Variants in CLEC16A observed in about 807,000 individuals in gnomAD.
CLEC16A encodes the protein C-type lectin domain containing 16A.
Under a neutral mutation model 109.5 loss-of-function variants are expected in CLEC16A, and 51 were observed. The observed-to-expected ratio is 0.47, with a 90% CI of 0.37 to 0.59. CLEC16A has a LOEUF of 0.59. CLEC16A is among the 20% of genes least tolerant of loss of function. The pLI is 0.00. For missense variants in CLEC16A, 1,339 were observed against 1,394.0 expected, an observed-to-expected ratio of 0.96 and a Z score of 0.63; for synonymous variants, 673 against 564.2, an observed-to-expected ratio of 1.19 and a Z score of -2.73.
chr16:11,177,178 C>G (rs2068783285), intron 23 of CLEC16A, among the ~76,000 whole-genome samples: 2 of 152,154 alleles, frequency 1.3e-5, no homozygotes, highest in African/African-American at 2.4e-5. Context: ...GTCTTCTTCT[C>G]AATGTTTTTA....
chr16:11,113,737 T>C (rs1370341743), intron 19 of CLEC16A, among the ~76,000 whole-genome samples: 1 of 152,242 alleles, frequency 6.6e-6, no homozygotes, highest in African/African-American at 2.4e-5. Context: ...TTCTTGAGAC[T>C]TGGCTCTCTT....
intron 10 of CLEC16A, among the ~76,000 whole-genome samples, chr16:10,995,004 C>T (rs1202329068): frequency 2.6e-5 from 4 of 152,224 alleles, no homozygotes; most frequent in African/African-American, 7.2e-5. Flanking sequence ...CTGCCTCTGC[C>T]TCTCACTAGT....
intron 19 of CLEC16A, among the ~76,000 whole-genome samples, chr16:11,116,373 C>T (rs974273191): frequency 6.6e-6 from 1 of 151,246 alleles, no homozygotes; most frequent in African/African-American, 2.4e-5. Context: ...CCAGCCTGTG[C>T]AACAGAGCAA....
intron 19 of CLEC16A, among the ~76,000 whole-genome samples, chr16:11,071,655 T>G (rs1334792207): frequency 1.3e-5 from 2 of 148,350 alleles, no homozygotes; most frequent in Non-Finnish European, 3.0e-5. Flanking sequence ...CAGGCTGGAG[T>G]GCAGTATTGC....
chr16:10,964,119 A>G (rs2042386384), intron 3 of CLEC16A, among the ~76,000 whole-genome samples: 1 of 152,202 alleles, frequency 6.6e-6, no homozygotes, highest in Non-Finnish European at 1.5e-5. Flanking sequence ...GGGCAGAAAG[A>G]GGTAGAGATG....
Position 11,178,558 on chromosome 16 carries a change from C to A in CLEC16A, c.3030C>A (p.Val1010=), listed in dbSNP as rs1321398267. ...DTLSVESLTL[V]PPVDPHSLRS... Reference sequence around the variant, plus strand: ...TGAGCGTCGAATCGCTGACCCTTGTCCCCCCAGTTGACCCCCACAGCCTCC... The same window carrying A: ...TGAGCGTCGAATCGCTGACCCTTGTACCCCCAGTTGACCCCCACAGCCTCC... The change falls in exon 24 of 24, where the codon GTC becomes GTA. Residue 1010 remains valine (V), a synonymous_variant. Transcript: ENST00000409790. The surrounding 1 kb of genome is among the most constrained non-coding windows in gnomAD (Gnocchi z 6.5). The A allele has an allele frequency of 1.2e-6, 2 of 1,612,264 alleles. No individual in the cohort carries two copies. Among genetic ancestry groups the A allele is most frequent in the South Asian group, 1.1e-5 (1 of 91,076 alleles).
rs1359092371 is a variant in CLEC16A at position 11,123,757 on chromosome 16, G to A, written c.2284G>A (p.Gly762Ser). ...CACTGTGCAGGACATGCAGGTGACTGGCGTGGAGGACGACAGCCGTGCCCT... is the reference window on the plus strand; with the variant it reads ...CACTGTGCAGGACATGCAGGTGACTAGCGTGGAGGACGACAGCCGTGCCCT... ...AGLLQDMQVT[G>S]VEDDSRALNI... The change falls in exon 21 of 24, where the codon GGC becomes AGC. Residue 762 changes from glycine (G) to serine (S), a missense_variant. Around this residue, in one of 3 missense-constraint regions of CLEC16A, gnomAD observed 1,061 missense variants for 1,006.8 expected, o/e 1.05. Transcript: ENST00000409790. 1 of 1,614,074 alleles carries A rather than the reference G, an allele frequency of 6.2e-7. No individual in the cohort carries two copies. The highest frequency in any genetic ancestry group is 1.3e-5 in the African/African-American group (1 of 75,072).
chr16:11,141,812 T>C (rs1180022042), intron 22 of CLEC16A, among the ~76,000 whole-genome samples: 1 of 152,196 alleles, frequency 6.6e-6, no homozygotes, highest in African/African-American at 2.4e-5. Context: ...CGGCGCTGCC[T>C]CTGCACATCG....
chr16:11,065,264 T>A (rs151217852), intron 19 of CLEC16A, among the ~76,000 whole-genome samples: 28 of 152,296 alleles, frequency 1.8e-4, no homozygotes, highest in South Asian at 1.7e-3. Flanking sequence ...GGGAGAAATC[T>A]GTCCATTATC....
At chr16:11,176,377 C>G (rs1597643746) in intron 23 of CLEC16A, among the ~76,000 whole-genome samples, 1 of 152,236 alleles carries the variant, frequency 6.6e-6, no homozygotes, top group Non-Finnish European at 1.5e-5. Flanking sequence ...GGACCAAAGC[C>G]TCATGCAGTG....
intron 16 of CLEC16A, chr16:11,044,305 T>A: frequency 2.8e-6 from 1 of 361,222 alleles, no homozygotes; most frequent in Non-Finnish European, 4.9e-6. Context: ...ATATGATAAT[T>A]TGTTTCTCAG....
chr16:11,156,094 G>T (rs892891435), intron 22 of CLEC16A, among the ~76,000 whole-genome samples: 23 of 152,178 alleles, frequency 1.5e-4, no homozygotes, highest in Non-Finnish European at 3.4e-4. Context: ...GGGCATGGTG[G>T]CTCATGCCTG....
chr16:11,048,459 C>A (rs2047752610), intron 17 of CLEC16A: 1 of 152,224 alleles, frequency 6.6e-6, no homozygotes, highest in South Asian at 2.1e-4. Flanking sequence ...ATATTACCCA[C>A]CAAAGCATGT....
At chr16:11,128,320 G>A (rs1451316317) in intron 22 of CLEC16A, among the ~76,000 whole-genome samples, 2 of 152,208 alleles carry the variant, frequency 1.3e-5, no homozygotes, top group Non-Finnish European at 1.5e-5. Context: ...GCCTTCCACC[G>A]GTGGGTGAGA....
At position 10,971,008 on chromosome 16, in the gene CLEC16A, A is replaced by ATTTTTT. The variant is rs35498388; in HGVS notation, c.493-105_493-100dup. ...CTGACTTACGGTTCACATTGGCAAC[A>ATTTTTT]TTTTTTTTTTTTTTTTTGTCTTTTT... On this transcript the variant is annotated intron_variant, in intron 4 of 23. Coordinates refer to ENST00000409790, the MANE Select transcript of CLEC16A (RefSeq NM_015226.3). 8 of 506,952 alleles carry ATTTTTT rather than the reference A, an allele frequency of 1.6e-5. 1 individual carries two copies. Among genetic ancestry groups the ATTTTTT allele is most frequent in the East Asian group, 3.4e-5 (1 of 29,260 alleles). 31.4% of individuals were successfully genotyped at this position (506,952 alleles called of 1,614,324 possible). A position where few individuals can be genotyped will look rare whatever the true frequency, so the allele number is the denominator to read the frequency against.
chr16:10,956,765 G>A (rs1191542797), intron 1 of CLEC16A, among the ~76,000 whole-genome samples: 1 of 152,168 alleles, frequency 6.6e-6, no homozygotes, highest in Non-Finnish European at 1.5e-5. Flanking sequence ...TTGGGTAGAT[G>A]AAGTACAGCA....
At chr16:11,126,333 G>A (rs1252728552) in intron 22 of CLEC16A, 187 bp downstream of exon 22, 8 of 1,484,856 alleles carry the variant, frequency 5.4e-6, no homozygotes, top group African/African-American at 2.8e-5. Flanking sequence ...ATAAATTTTG[G>A]CTTTCCCTTT....
intron 3 of CLEC16A, 112 bp downstream of exon 3, chr16:10,962,700 C>A: frequency 3.5e-6 from 4 of 1,146,138 alleles, no homozygotes; most frequent in Non-Finnish European, 5.1e-6. Context: ...GCTATCCTAA[C>A]AAAATACCAT....
At chr16:11,094,309 C>T (rs2050480138) in intron 19 of CLEC16A, among the ~76,000 whole-genome samples, 1 of 152,216 alleles carries the variant, frequency 6.6e-6, no homozygotes, top group Non-Finnish European at 1.5e-5. Flanking sequence ...GACTCAGAAG[C>T]TCTGCGCCTG....
Sources: allele counts gnomAD v4.1 joint callset (sites outside exome capture counted in the v4.1 genomes callset), GRCh38; gene constraint gnomAD v4.1.1; regional missense constraint gnomAD v4.1.1; non-coding constraint Gnocchi (gnomAD v3.1); transcripts MANE v1.5; gene names NCBI Gene and HGNC (gene_info 2026-07-23, HGNC 2026-07-21).